SPATA22: variants seen among roughly 807,000 people sequenced by gnomAD.
The protein encoded by SPATA22 is spermatogenesis associated 22, also known as spermatogenesis-associated protein 22.
In SPATA22, 29 loss-of-function variants were observed where a neutral mutation model predicts 47.8. That is an observed-to-expected ratio of 0.61 (90% CI 0.45 to 0.83). The LOEUF (loss-of-function observed/expected upper bound fraction) is 0.83, where lower values mean the gene tolerates loss of function less well. SPATA22 is among the 40% of genes least tolerant of loss of function. The probability of loss-of-function intolerance (pLI) is 0.00; values close to 1 mark genes in which losing one functional copy is unlikely to be tolerated. For missense variants in SPATA22, 410 were observed against 421.7 expected (o/e 0.97, Z 0.24); for synonymous variants, 133 against 140.9 (o/e 0.94, Z 0.40).
intron 1 of SPATA22, among the ~76,000 whole-genome samples, chr17:3,491,128 G>A (rs75279424): frequency 2.2e-3 from 337 of 152,280 alleles, no homozygotes; most frequent in Non-Finnish European, 3.7e-3. Context: ...AGACATATGC[G>A]ACATGCTTAG....
At chr17:3,470,981 C>T (rs2073419295) in intron 1 of SPATA22, among the ~76,000 whole-genome samples, 1 of 151,832 alleles carries the variant, frequency 6.6e-6, no homozygotes, top group Non-Finnish European at 1.5e-5. Flanking sequence ...AACGTGAAAC[C>T]CCGTCTCTAC....
In SPATA22 at chr17:3,510,494, C is replaced by G. The variant is rs191119339; in HGVS notation, c.-74+2918G>C. The G allele has an allele frequency of 5.3e-5, 8 of 152,266 alleles. No individual in the cohort carries two copies. The East Asian group carries it at 1.5e-3, about 29-fold the overall frequency. 9.4% of individuals were successfully genotyped at this position (152,266 alleles called of 1,614,324 possible). On this transcript the variant is annotated intron_variant, in intron 1 of 8. Transcript: ENST00000541913. The stretch of plus-strand genomic sequence containing the variant: ...TGGCACACCTAACGCAAGGATAAAA[C>G]GTGGCCATAACGAGGCAAAACAAAT...
chr17:3,454,285 T>C (rs2072932582), intron 5 of SPATA22, among the ~76,000 whole-genome samples: 1 of 148,890 alleles, frequency 6.7e-6, no homozygotes, highest in Non-Finnish European at 1.5e-5. Flanking sequence ...TTTTTTGTTT[T>C]ATTTATTTAT....
intron 3 of SPATA22, among the ~76,000 whole-genome samples, 183 bp downstream of exon 3, chr17:3,467,243 C>A (rs1355568004): frequency 1.3e-5 from 2 of 152,052 alleles, no homozygotes; most frequent in East Asian, 3.8e-4. Flanking sequence ...CTAAGCCACC[C>A]TTGTAGATAA....
chr17:3,464,079 T>C (rs1472361339), intron 3 of SPATA22, among the ~76,000 whole-genome samples: 1 of 151,678 alleles, frequency 6.6e-6, no homozygotes, highest in Non-Finnish European at 1.5e-5. Context: ...GCAACCTCCC[T>C]GCCTGATTCT....
chr17:3,440,498 T>G (rs2072575243), intron 8 of SPATA22, 160 bp from the exon 9 acceptor site: 4 of 531,996 alleles, frequency 7.5e-6, no homozygotes, highest in Non-Finnish European at 3.3e-6. Flanking sequence ...TGATAGTTAT[T>G]CACATATTGG....
At chr17:3,494,052 TTG>T (rs1195788434) in intron 1 of SPATA22, among the ~76,000 whole-genome samples, 3 of 150,716 alleles carry the variant, frequency 2.0e-5, no homozygotes, top group African/African-American at 7.3e-5. Flanking sequence ...TTTTTTTTTT[TTG>T]AGACAGAGTT....
At chr17:3,476,965 C>G (rs1207675543) in intron 1 of SPATA22, among the ~76,000 whole-genome samples, 1 of 152,138 alleles carries the variant, frequency 6.6e-6, no homozygotes. Context: ...ACCATCCTGG[C>G]TAATGCAGTG....
intron 1 of SPATA22, chr17:3,489,303 A>T: frequency 6.2e-7 from 1 of 1,613,406 alleles, no homozygotes; most frequent in Non-Finnish European, 8.5e-7. Context: ...GAGAAAAATG[A>T]TTAAACATGC....
chr17:3,448,800 C>G lies in SPATA22; in HGVS notation c.672+7G>C. On this transcript the variant is annotated splice_region_variant and intron_variant, in intron 6 of 8. Coordinates refer to ENST00000572969, the MANE Select transcript of SPATA22 (RefSeq NM_001170698.2). ...AATAAGTCATTAATTTGTATTTAAA[C>G]ATTTACCTTCAGGGTGTTGTCTTCT... 6.4e-7 allele frequency: 1 copy of G among 1,562,730 alleles called. No homozygotes were observed. The highest frequency in any genetic ancestry group is 8.7e-7 in the Non-Finnish European group (1 of 1,151,710).
chr17:3,458,038 A>G (rs1427119460), intron 5 of SPATA22, among the ~76,000 whole-genome samples: 1 of 152,218 alleles, frequency 6.6e-6, no homozygotes, highest in Non-Finnish European at 1.5e-5. Context: ...TGAAAAGGCA[A>G]TCTATAGCAT....
At chr17:3,452,203 T>A (rs2072878048) in intron 5 of SPATA22, among the ~76,000 whole-genome samples, 1 of 145,376 alleles carries the variant, frequency 6.9e-6, no homozygotes. Flanking sequence ...TTAAAGAAAT[T>A]AGAAAAAGAA....
chr17:3,467,119 T>C (rs937794716), intron 3 of SPATA22, among the ~76,000 whole-genome samples: 2 of 152,182 alleles, frequency 1.3e-5, no homozygotes, highest in African/African-American at 4.8e-5. Context: ...ACCAAATGTA[T>C]AGGCTATAAC....
At chr17:3,445,891 G>T (rs1311888873) in intron 7 of SPATA22, among the ~76,000 whole-genome samples, 4 of 152,072 alleles carry the variant, frequency 2.6e-5, no homozygotes, top group Admixed American at 2.6e-4. Flanking sequence ...CACAAACTTA[G>T]TGGTTGGCTT....
chr17:3,473,893 A>G (rs544716412), upstream of SPATA22, among the ~76,000 whole-genome samples: 2 of 152,318 alleles, frequency 1.3e-5, no homozygotes, highest in African/African-American at 4.8e-5. Flanking sequence ...TCTTTTAAGT[A>G]CTTCAGAATA....
intron 1 of SPATA22, chr17:3,481,940 G>T: frequency 2.6e-6 from 2 of 765,478 alleles, no homozygotes; most frequent in East Asian, 5.5e-5. Context: ...TTGGTGGTTG[G>T]GGGGAAAGGG....
chr17:3,472,832 T>C (rs535701420), upstream of SPATA22, among the ~76,000 whole-genome samples: 1 of 152,330 alleles, frequency 6.6e-6, no homozygotes, highest in African/African-American at 2.4e-5. Flanking sequence ...AAGAAGAGTG[T>C]TAGAAAATAA....
At chr17:3,489,310 A>T (rs761849556) in intron 1 of SPATA22, 2 of 1,613,254 alleles carry the variant, frequency 1.2e-6, no homozygotes, top group African/African-American at 1.3e-5. Flanking sequence ...ATGATTAAAC[A>T]TGCTCTTGAT....
chr17:3,467,438 G>A lies in SPATA22; in HGVS notation c.160C>T (p.Pro54Ser), dbSNP rs373239763. 83 of 1,597,392 alleles carry A rather than the reference G, an allele frequency of 5.2e-5. No homozygotes were observed. Among genetic ancestry groups the A allele is most frequent in the Non-Finnish European group, 6.6e-5 (78 of 1,173,434 alleles). The change falls in exon 3 of 9, where the codon CCT becomes TCT. Residue 54 changes from proline to serine, a missense_variant. Pro to Ser is a moderately conservative substitution (Grantham distance 74, BLOSUM62 -1). Coordinates refer to ENST00000572969, the MANE Select transcript of SPATA22 (RefSeq NM_001170698.2). Reference protein sequence around the residue: ...STPSDNYDFPPLPTDWAWEAV... With the variant: ...STPSDNYDFPSLPTDWAWEAV... ...TTAATTTTCTTACCTGTAGGTAGAG[G>A]AGGAAAATCATAATTGTCAGAAGGG...
Sources: allele counts gnomAD v4.1 joint callset (sites outside exome capture counted in the v4.1 genomes callset), GRCh38; gene constraint gnomAD v4.1.1; transcripts MANE v1.5; gene names NCBI Gene and HGNC (gene_info 2026-07-23, HGNC 2026-07-21).